Variants in KCTD21 observed in about 807,000 individuals in gnomAD.
KCTD21 encodes the protein BTB/POZ domain-containing protein KCTD21.
A neutral mutation model predicts 13.2 loss-of-function variants in KCTD21; 9 were observed. That is an observed-to-expected ratio of 0.68 (90% CI 0.41 to 1.19). The LOEUF (loss-of-function observed/expected upper bound fraction) is 1.19. Ranked by LOEUF, KCTD21 falls within the 50% of genes most tolerant of loss-of-function variation. The probability of loss-of-function intolerance (pLI) is 0.01; values close to 1 mark genes in which losing one functional copy is unlikely to be tolerated. For missense variants in KCTD21, 303 were observed against 336.5 expected (o/e 0.90, Z 0.78); for synonymous variants, 142 against 137.4 (o/e 1.03, Z -0.23).
chr11:78,181,809 T>C (rs923303204), intron 1 of KCTD21, among the ~76,000 whole-genome samples: 4 of 151,294 alleles, frequency 2.6e-5, no homozygotes, highest in African/African-American at 9.8e-5. Context: ...AATTTTACCA[T>C]ACTTAAGTTT....
intron 1 of KCTD21, chr11:78,176,828 T>TACAACAACAACA (rs71473371): frequency 0.1 from 15,294 of 148,308 alleles, 981 homozygotes; most frequent in Admixed American, 0.21. Context: ...ATCCTGTCTC[T>TACAACAACAACA]ACAACAACAA....
intron 1 of KCTD21, among the ~76,000 whole-genome samples, chr11:78,185,261 A>G (rs1374167891): frequency 6.6e-6 from 1 of 152,192 alleles, no homozygotes; most frequent in Admixed American, 6.5e-5. Context: ...TGGCGTATCT[A>G]GGTTAAGGGT....
At position 78,174,488 on chromosome 11, in the gene KCTD21, T is replaced by C. The variant is rs1031372936; in HGVS notation, c.67A>G (p.Ser23Gly). Residue 23 changes from serine to glycine, a missense_variant, in exon 2 of 2, where the codon AGC (serine) becomes GGC (glycine). Transcript: ENST00000340067. ...LYTTSLATLT[S>G]FPDSMLGAMF... The stretch of plus-strand genomic sequence containing the variant: ...GCGCCTAGCATGGAGTCAGGGAAGC[T>C]GGTCAGGGTCGCCAGTGAGGTTGTA... 3 of 1,614,066 alleles carry C rather than the reference T, an allele frequency of 1.9e-6. No individual in the cohort carries two copies. The highest frequency in any genetic ancestry group is 2.5e-6 in the Non-Finnish European group (3 of 1,179,974).
intron 1 of KCTD21, chr11:78,187,853 G>C (rs1241571563): frequency 1.0e-6 from 1 of 985,280 alleles, no homozygotes; most frequent in African/African-American, 1.7e-5. Context: ...AGTGCAGGGA[G>C]AAAAGCAAGG....
chr11:78,178,360 C>T (rs759500287), intron 1 of KCTD21, among the ~76,000 whole-genome samples: 2 of 152,124 alleles, frequency 1.3e-5, no homozygotes, highest in Non-Finnish European at 2.9e-5. Flanking sequence ...GATCTCTTGA[C>T]TTTGTGATCT....
At chr11:78,177,334 G>A (rs975872556) in intron 1 of KCTD21, among the ~76,000 whole-genome samples, 3 of 152,228 alleles carry the variant, frequency 2.0e-5, no homozygotes, top group African/African-American at 4.8e-5. Flanking sequence ...GAGGAGAAAT[G>A]AGTCCATGTG....
intron 1 of KCTD21, among the ~76,000 whole-genome samples, chr11:78,180,253 TG>T (rs1178037067): frequency 6.6e-6 from 1 of 152,036 alleles, no homozygotes; most frequent in African/African-American, 2.4e-5. Flanking sequence ...GTTAAGAAAA[TG>T]AAAGAATAAG....
rs780794697 is a variant in KCTD21, at chr11:78,173,805, G to A, written c.750C>T (p.Asn250=). The A allele has an allele frequency of 1.5e-5, 25 of 1,613,898 alleles. No homozygotes were observed. Among genetic ancestry groups the A allele is most frequent in the Middle Eastern group, 1.6e-4 (1 of 6,082 alleles). Residue 250 remains asparagine, a synonymous_variant, in exon 2 of 2, where the codon AAC becomes AAT. Transcript: ENST00000340067. ...SSHPHALDFM[N]NKIIRLIRYR ...ACCGTATTAATCGAATAATCTTATT[G>A]TTCATAAAATCCAGAGCATGTGGGT... is the stretch of plus-strand genomic sequence containing the variant.
intron 1 of KCTD21, among the ~76,000 whole-genome samples, chr11:78,185,985 G>A (rs1180403058): frequency 6.6e-6 from 1 of 152,136 alleles, no homozygotes; most frequent in East Asian, 1.9e-4. Context: ...CAGAATCTCT[G>A]TAACTCGGCA....
chr11:78,182,767 T>C (rs185423492), intron 1 of KCTD21, among the ~76,000 whole-genome samples: 28 of 152,316 alleles, frequency 1.8e-4, no homozygotes, highest in African/African-American at 6.5e-4. Flanking sequence ...ACCAGTCCTT[T>C]AGACGTCTTC....
chr11:78,178,587 CTA>C (rs1373172070), intron 1 of KCTD21, among the ~76,000 whole-genome samples: 1 of 152,178 alleles, frequency 6.6e-6, no homozygotes. Flanking sequence ...CCTCAGTCCC[CTA>C]TGTGTTCCCA....
chr11:78,183,397 G>A (rs1046164285), intron 1 of KCTD21, among the ~76,000 whole-genome samples: 2 of 151,882 alleles, frequency 1.3e-5, no homozygotes, highest in East Asian at 2.0e-4. Context: ...ATAGCTGGGC[G>A]GGGTGGCGTG....
At position 78,188,567 on chromosome 11, in the gene KCTD21, AC is replaced by A; in HGVS notation, c.-30+5del. The A allele has an allele frequency of 1.0e-6, 1 of 985,540 alleles. No individual in the cohort carries two copies. 61.0% of individuals were successfully genotyped at this position (985,540 alleles called of 1,614,324 possible). A position where few individuals can be genotyped will look rare whatever the true frequency, so the allele number is the denominator to read the frequency against. On this transcript the variant is annotated splice_donor_5th_base_variant and intron_variant, in intron 1 of 1. Coordinates refer to ENST00000340067, the MANE Select transcript of KCTD21 (RefSeq NM_001029859.3). The stretch of plus-strand genomic sequence containing the variant: ...AGCCCCGCGACCCCGGCCGTGCCGC[AC>A]CCACCTCCTGCCCTCGCTCTGCAGC...
chr11:78,177,150 T>C, intron 1 of KCTD21, among the ~76,000 whole-genome samples: 1 of 152,230 alleles, frequency 6.6e-6, no homozygotes, highest in Non-Finnish European at 1.5e-5. Context: ...CTGAAGAGGC[T>C]GACTGCACTG....
chr11:78,186,371 CAAAAAAAAAAAAAAAAAA>C (rs57748403), intron 1 of KCTD21, among the ~76,000 whole-genome samples: 12 of 45,816 alleles, frequency 2.6e-4, no homozygotes, highest in African/African-American at 4.3e-4. Flanking sequence ...GACCCTGTCT[CAAAAAAAAAAAAAAAAAA>C]AAAAAAAAAA....
rs759404638 is a variant in KCTD21 at position 78,173,732 on chromosome 11, C to G, written c.*40G>C. 5 of 1,553,174 alleles carry G rather than the reference C, an allele frequency of 3.2e-6. No individual in the cohort carries two copies. Among genetic ancestry groups the G allele is most frequent in the Middle Eastern group, 1.7e-4 (1 of 5,778 alleles). ...CCCTCCAAGACCTGGCTGACATGAG[C>G]TTCCTGGGACTCCCCATCTCCAGTG... is the stretch of plus-strand genomic sequence containing the variant. On this transcript the variant is annotated 3_prime_UTR_variant, in exon 2 of 2. Transcript: ENST00000340067.
At chr11:78,184,849 C>T (rs1385169638) in intron 1 of KCTD21, among the ~76,000 whole-genome samples, 1 of 151,968 alleles carries the variant, frequency 6.6e-6, no homozygotes, top group Admixed American at 6.6e-5. Flanking sequence ...TCCCCAGGCT[C>T]AGGTGATTTT....
chr11:78,187,019 G>C (rs2137009957), intron 1 of KCTD21: 1 of 985,428 alleles, frequency 1.0e-6, no homozygotes, highest in East Asian at 1.1e-4. Context: ...ATTTTGAAAT[G>C]CTCTGTTCAA....
intron 1 of KCTD21, among the ~76,000 whole-genome samples, chr11:78,178,361 T>G (rs1307942141): frequency 6.6e-6 from 1 of 152,072 alleles, no homozygotes; most frequent in East Asian, 1.9e-4. Context: ...ATCTCTTGAC[T>G]TTGTGATCTG....
Sources: gnomAD v4.1 joint callset for allele counts (sites outside exome capture counted in the v4.1 genomes callset) on GRCh38, gnomAD v4.1.1 for gene constraint, MANE v1.5 for transcripts, NCBI Gene and HGNC (gene_info 2026-07-23, HGNC 2026-07-21) for gene names.